The following SDK1 variants were observed in gnomAD, a reference collection of about 807,000 sequenced individuals.
SDK1 encodes sidekick cell adhesion molecule 1.
A neutral mutation model predicts 245.5 loss-of-function variants in SDK1; 157 were observed. That is an observed-to-expected ratio of 0.64 (90% CI 0.56 to 0.73). The LOEUF (loss-of-function observed/expected upper bound fraction) is 0.73. Ranked by LOEUF, SDK1 falls within the 30% of genes least tolerant of loss-of-function variation. The pLI is 0.00. For missense variants in SDK1, 3,583 were observed against 3,002.3 expected (o/e 1.19, Z -4.52); for synonymous variants, 1,647 against 1,278.5 (o/e 1.29, Z -6.15).
intron 4 of SDK1, among the ~76,000 whole-genome samples, chr7:3,743,333 A>G (rs778682025): frequency 4.2e-4 from 64 of 152,190 alleles, no homozygotes; most frequent in Non-Finnish European, 6.6e-4. Context: ...CTGTGGCGGT[A>G]CAGTCTTGCT....
At chr7:3,803,780 G>T (rs2115038297) in intron 4 of SDK1, among the ~76,000 whole-genome samples, 1 of 140,012 alleles carries the variant, frequency 7.1e-6, no homozygotes, top group Admixed American at 7.4e-5. Context: ...ACAGAGTCTG[G>T]CCTGTTGCCC....
At chr7:3,628,830 C>CAAG (rs1465685285) in intron 2 of SDK1, among the ~76,000 whole-genome samples, 1 of 152,140 alleles carries the variant, frequency 6.6e-6, no homozygotes, top group East Asian at 1.9e-4. Flanking sequence ...GGAAGACAAA[C>CAAG]AAGGTGAGCC....
At chr7:3,489,529 C>A (rs554101869) in intron 1 of SDK1, among the ~76,000 whole-genome samples, 15 of 152,154 alleles carry the variant, frequency 9.9e-5, no homozygotes, top group African/African-American at 3.4e-4. Flanking sequence ...CTTTATTGTT[C>A]TTCCAGCACT....
intron 44 of SDK1, among the ~76,000 whole-genome samples, 172 bp from the exon 45 acceptor site, chr7:4,264,952 G>A (rs1162904600): frequency 6.7e-6 from 1 of 149,926 alleles, no homozygotes; most frequent in Non-Finnish European, 1.5e-5. Context: ...GGGGCTGCCT[G>A]CTCTCCTGTG....
chr7:3,620,429 A>G lies in SDK1; in HGVS notation c.458+1190A>G, dbSNP rs192136996. ...ATGATTCTCCTGCCTCAGCCTCCCA[A>G]GTAGCTGGTTCTACAGGCGTGAGCC... is the stretch of plus-strand genomic sequence containing the variant. On this transcript the variant is annotated intron_variant, in intron 2 of 44. Coordinates refer to ENST00000404826, the MANE Select transcript of SDK1 (RefSeq NM_152744.4). 2.9e-4 allele frequency among the ~76,000 whole-genome samples: 44 copies of G among 151,926 alleles called. No individual in the cohort carries two copies. In the East Asian group the frequency reaches 4.9e-3, roughly 17 times the overall value.
chr7:4,184,182 C>T (rs1310043892), intron 35 of SDK1, among the ~76,000 whole-genome samples: 7 of 152,226 alleles, frequency 4.6e-5, no homozygotes, highest in African/African-American at 1.7e-4. Context: ...GGCCAGCTTC[C>T]GTCCCCTCGG....
chr7:3,817,638 C>T (rs1779542148), intron 4 of SDK1, among the ~76,000 whole-genome samples: 1 of 152,192 alleles, frequency 6.6e-6, no homozygotes, highest in South Asian at 2.1e-4. Context: ...AACCCCTGGC[C>T]ATGCAAACAT....
At chr7:3,674,998 C>A (rs1783846606) in intron 4 of SDK1, among the ~76,000 whole-genome samples, 1 of 152,028 alleles carries the variant, frequency 6.6e-6, no homozygotes, top group African/African-American at 2.4e-5. Context: ...GTGTGTGGGC[C>A]ATATAAAAAC....
intron 1 of SDK1, among the ~76,000 whole-genome samples, chr7:3,566,929 G>T (rs180706907): frequency 6.6e-6 from 1 of 152,172 alleles, no homozygotes; most frequent in African/African-American, 2.4e-5. Flanking sequence ...TACAAGTGGG[G>T]ATGTGTGAAC....
chr7:3,404,335 A>G (rs953941093), intron 1 of SDK1, among the ~76,000 whole-genome samples: 1 of 152,138 alleles, frequency 6.6e-6, no homozygotes, highest in Non-Finnish European at 1.5e-5. Context: ...CAAACAGTAG[A>G]TTTCTTCCGG....
chr7:3,532,798 T>C (rs1433765324), intron 1 of SDK1, among the ~76,000 whole-genome samples: 1 of 152,186 alleles, frequency 6.6e-6, no homozygotes, highest in African/African-American at 2.4e-5. Flanking sequence ...TTACAGCCTA[T>C]GCAGCCTCTA....
At chr7:4,063,709 C>G (rs1053083521) in intron 19 of SDK1, among the ~76,000 whole-genome samples, 12 of 151,976 alleles carry the variant, frequency 7.9e-5, no homozygotes, top group African/African-American at 2.9e-4. Flanking sequence ...CACTACCTAT[C>G]TTTGAAATAT....
intron 1 of SDK1, among the ~76,000 whole-genome samples, chr7:3,505,638 T>C (rs1301511077): frequency 6.6e-6 from 1 of 152,238 alleles, no homozygotes; most frequent in African/African-American, 2.4e-5. Flanking sequence ...GGGTTTGAAT[T>C]GCATGGGTCC....
intron 1 of SDK1, among the ~76,000 whole-genome samples, chr7:3,495,517 C>A (rs868296261): frequency 6.6e-6 from 1 of 152,156 alleles, no homozygotes; most frequent in African/African-American, 2.4e-5. Flanking sequence ...CCTCAGCCTC[C>A]CAAAGTGCTG....
chr7:3,605,322 A>C (rs1282768462), intron 1 of SDK1, among the ~76,000 whole-genome samples: 1 of 152,242 alleles, frequency 6.6e-6, no homozygotes, highest in African/African-American at 2.4e-5. Flanking sequence ...AAGCATACGT[A>C]GCTCAGTGCT....
chr7:3,510,316 T>C (rs892382280), intron 1 of SDK1, among the ~76,000 whole-genome samples: 1 of 152,214 alleles, frequency 6.6e-6, no homozygotes, highest in Non-Finnish European at 1.5e-5. Context: ...ATTCTATAAC[T>C]GACTTGCACA....
At position 4,161,972 on chromosome 7, in the gene SDK1, T is replaced by G. The variant is rs987068534; in HGVS notation, c.4800+116T>G. The G allele has an allele frequency of 1.5e-5, 13 of 883,912 alleles. No homozygotes were observed. In the East Asian group the frequency reaches 3.3e-4, roughly 23 times the overall value. 54.8% of individuals were successfully genotyped at this position (883,912 alleles called of 1,614,324 possible). A position where few individuals can be genotyped will look rare whatever the true frequency, so the allele number is the denominator to read the frequency against. On this transcript the variant is annotated intron_variant, in intron 32 of 44. Transcript: ENST00000404826. ...GAGCCCTGAGCTAAGCGTTTGAGAG[T>G]AGAACCAAGGAGACACACCCTCAGA...
chr7:3,817,533 G>A (rs182501442), intron 4 of SDK1, among the ~76,000 whole-genome samples: 166 of 152,358 alleles, frequency 1.1e-3, no homozygotes, highest in Non-Finnish European at 2.4e-4. Context: ...CCAGTGGGCT[G>A]TTTTCACCAA....
Position 3,589,196 on chromosome 7 carries a change from G to A in SDK1, c.299-29884G>A, listed in dbSNP as rs116994605. 4.4e-3 allele frequency among the ~76,000 whole-genome samples: 665 copies of A among 152,260 alleles called. 8 individuals carry two copies. The highest frequency in any genetic ancestry group is 3.1e-3 in the Non-Finnish European group (209 of 68,024). On this transcript the variant is annotated intron_variant, in intron 1 of 44. Transcript: ENST00000404826. ...TCACAGTTGGCGTGGAGCTTTTGAC[G>A]TTGGTACTGATCTCACAGTTGGTGC...
Sources: gnomAD v4.1 joint callset for allele counts (sites outside exome capture counted in the v4.1 genomes callset) on GRCh38, gnomAD v4.1.1 for gene constraint, MANE v1.5 for transcripts, NCBI Gene and HGNC (gene_info 2026-07-23, HGNC 2026-07-21) for gene names.